The following CASP6 variants were observed in gnomAD, a reference collection of about 807,000 sequenced individuals.
CASP6 encodes the protein caspase 6.
In CASP6, 20 loss-of-function variants were observed where a neutral mutation model predicts 31.8. The ratio of observed to expected loss-of-function variants is 0.63; its 90% CI spans 0.44 to 0.91. The LOEUF is 0.91. CASP6 is among the 40% of genes least tolerant of loss of function. CASP6 has a pLI of 0.00. For synonymous variants in CASP6, 130 were observed against 127.8 expected (o/e 1.02, Z -0.12); for missense variants, 328 against 361.1 (o/e 0.91, Z 0.74).
the CASP6 span, among the ~76,000 whole-genome samples, chr4:109,678,755 G>T: frequency 6.7e-6 from 1 of 149,660 alleles, no homozygotes; most frequent in Admixed American, 6.6e-5. Context: ...GGGGCGGCCG[G>T]GCAGAGGTGC....
At chr4:109,706,166 T>TATATATATACATATAC, upstream of CASP6, among the ~76,000 whole-genome samples, 1 of 92,006 alleles carries the variant, frequency 1.1e-5, no homozygotes, top group African/African-American at 6.0e-5. Flanking sequence ...TATATATATA[T>TATATATATACATATAC]ATATACACAC....
At chr4:109,686,302 T>C (rs28380238), downstream of CASP6, among the ~76,000 whole-genome samples, 106,905 of 151,922 alleles carry the variant, frequency 0.7, 38,238 homozygotes, top group African/African-American at 0.83. Flanking sequence ...CCACACCTGG[T>C]TACTTTTTGT....
At chr4:109,666,952 G>A in the CASP6 span, among the ~76,000 whole-genome samples, 1 of 152,128 alleles carries the variant, frequency 6.6e-6, no homozygotes, top group Non-Finnish European at 1.5e-5. Flanking sequence ...TAGTTGTGGT[G>A]TAGCAATCTT....
intron 3 of CASP6, among the ~76,000 whole-genome samples, chr4:109,697,265 A>G (rs1423541525): frequency 1.3e-5 from 2 of 152,000 alleles, no homozygotes; most frequent in Non-Finnish European, 2.9e-5. Context: ...AAACATGGAA[A>G]AAAATTATTT....
chr4:109,680,854 T>C, the CASP6 span, among the ~76,000 whole-genome samples: 1 of 152,188 alleles, frequency 6.6e-6, no homozygotes, highest in Non-Finnish European at 1.5e-5. Flanking sequence ...TTGTCCTCCC[T>C]CAGGTTCTCT....
chr4:109,667,609 A>T, the CASP6 span, among the ~76,000 whole-genome samples: 1 of 150,956 alleles, frequency 6.6e-6, no homozygotes, highest in East Asian at 1.9e-4. Context: ...TTTATAATAT[A>T]GAATAGAATA....
chr4:109,702,971 C>T lies in CASP6; in HGVS notation c.40+385G>A, dbSNP rs5030521. The T allele has an allele frequency of 4.4e-3, 1,069 of 241,102 alleles. 10 individuals are homozygous for T. The highest frequency in any genetic ancestry group is 0.022 in the African/African-American group (995 of 44,818). 14.9% of individuals were successfully genotyped at this position (241,102 alleles called of 1,614,324 possible). ...AGCAAACAAAAGATCCAACCCCCAACATTTCAAACGGCCAGGTGTGGGGGA... is the reference window on the plus strand; with the variant it reads ...AGCAAACAAAAGATCCAACCCCCAATATTTCAAACGGCCAGGTGTGGGGGA... On this transcript the variant is annotated intron_variant, in intron 1 of 6. Coordinates refer to ENST00000265164, the MANE Select transcript of CASP6 (RefSeq NM_001226.4).
the CASP6 span, among the ~76,000 whole-genome samples, chr4:109,678,533 G>T: frequency 7.2e-6 from 1 of 138,968 alleles, no homozygotes; most frequent in Non-Finnish European, 1.5e-5. Flanking sequence ...GGGCAGAGGC[G>T]CTCCTCACAT....
the CASP6 span, among the ~76,000 whole-genome samples, chr4:109,679,418 G>T: frequency 6.6e-6 from 1 of 152,200 alleles, no homozygotes; most frequent in African/African-American, 2.4e-5. Context: ...GGCCGAGGCG[G>T]GCAGATCACC....
intron 4 of CASP6, 123 bp from the exon 5 acceptor site, chr4:109,694,823 T>C (rs1730187308): frequency 2.0e-6 from 2 of 992,732 alleles, no homozygotes; most frequent in African/African-American, 1.7e-5. Context: ...GAGGAAAATT[T>C]GTGGTTTTGT....
intron 3 of CASP6, 101 bp downstream of exon 3, chr4:109,697,521 C>T: frequency 7.3e-7 from 1 of 1,369,738 alleles, no homozygotes; most frequent in East Asian, 2.5e-5. Flanking sequence ...CCCACCTTGG[C>T]TTCCCAAAGT....
chr4:109,690,814 A>G (rs773408954), intron 6 of CASP6, 36 bp downstream of exon 6: 15 of 1,560,630 alleles, frequency 9.6e-6, no homozygotes, highest in Middle Eastern at 1.7e-4. Flanking sequence ...CTTAGCCAAG[A>G]GAGGCAATTA....
At position 109,694,567 on chromosome 4, in the gene CASP6, C is replaced by A. The variant is rs751368796; in HGVS notation, c.441G>T (p.Lys147Asn). ...TGGGTTTTCCAACCAGGCTGTGACA[C>A]TTGTCTCCTTTGAACAAGCCAGTTA... ...QTLTGLFKGD[K>N]CHSLVGKPKI... The change falls in exon 5 of 7, where the codon AAG becomes AAT. Residue 147 changes from lysine (K) to asparagine (N), a missense_variant. Physicochemically the swap from Lys to Asn is moderately conservative, Grantham distance 94. Transcript: ENST00000265164. 6.2e-7 allele frequency: 1 copy of A among 1,609,474 alleles called. No homozygotes were observed. Among genetic ancestry groups the A allele is most frequent in the African/African-American group, 1.3e-5 (1 of 74,778 alleles).
chr4:109,670,817 C>A, the CASP6 span, among the ~76,000 whole-genome samples: 2 of 151,808 alleles, frequency 1.3e-5, no homozygotes, highest in Non-Finnish European at 2.9e-5. Flanking sequence ...GGAGATTTTT[C>A]TTCAGTTTTC....
At chr4:109,681,495 G>A in the CASP6 span, 1 of 452,488 alleles carries the variant, frequency 2.2e-6, no homozygotes, top group South Asian at 1.6e-5. Context: ...CCACTTCCAA[G>A]ATGATGGCAA....
At chr4:109,683,940 T>A (rs12498588), downstream of CASP6, among the ~76,000 whole-genome samples, 104,950 of 152,116 alleles carry the variant, frequency 0.69, 36,606 homozygotes, top group African/African-American at 0.78. Flanking sequence ...TTTTAAAGAG[T>A]TTTATTAGTG....
the CASP6 span, chr4:109,682,524 T>G: frequency 3.6e-5 from 52 of 1,429,068 alleles, no homozygotes; most frequent in Non-Finnish European, 3.4e-5. Context: ...CCGAAAGATT[T>G]ACACACCCTG....
In CASP6 at chr4:109,698,377, T is replaced by TGA. The variant is rs1243040986; in HGVS notation, c.41-36_41-35insTC. ...AAAGTTGATTTTTGTTAATTATTTT[T>TGA]TACTTATGGCAGTAAAATATAGTAG... On this transcript the variant is annotated intron_variant, in intron 1 of 6. Transcript: ENST00000265164. 8.2e-6 allele frequency: 13 copies of TGA among 1,586,496 alleles called. 1 individual carries two copies. The African/African-American group carries it at 9.4e-5, about 12-fold the overall frequency.
At chr4:109,706,764 C>T (rs545563932), upstream of CASP6, among the ~76,000 whole-genome samples, 60 of 152,198 alleles carry the variant, frequency 3.9e-4, no homozygotes, top group African/African-American at 1.4e-3. Context: ...AAAAATTAGC[C>T]GGGCACGGTG....
Sources: gnomAD v4.1 joint callset for allele counts (sites outside exome capture counted in the v4.1 genomes callset) on GRCh38, gnomAD v4.1.1 for gene constraint, MANE v1.5 for transcripts, NCBI Gene and HGNC (gene_info 2026-07-23, HGNC 2026-07-21) for gene names.